Variants in ZNF100 observed in about 807,000 individuals in gnomAD.
ZNF100 encodes the protein zinc finger protein 100 (Y1).
Under a neutral mutation model 15.8 loss-of-function variants are expected in ZNF100, and 12 were observed. The ratio of observed to expected loss-of-function variants is 0.76; its 90% CI spans 0.49 to 1.23. The LOEUF is 1.23. ZNF100 is among the 50% of genes most tolerant of loss of function. The pLI, the probability that ZNF100 is intolerant of heterozygous loss-of-function variation, is 0.00. For missense variants in ZNF100, 670 were observed against 635.6 expected (o/e 1.05, Z -0.58); for synonymous variants, 226 against 214.8 (o/e 1.05, Z -0.45).
At chr19:21,747,066 G>A (rs1368162457) in intron 2 of ZNF100, among the ~76,000 whole-genome samples, 1 of 152,112 alleles carries the variant, frequency 6.6e-6, no homozygotes, top group Non-Finnish European at 1.5e-5. Context: ...ATGTAAAAAT[G>A]TAAGTTTCTC....
chr19:21,767,329 C>G, intron 1 of ZNF100, 98 bp downstream of exon 1: 1 of 1,596,832 alleles, frequency 6.3e-7, no homozygotes, highest in Non-Finnish European at 8.6e-7. Flanking sequence ...GATTGTGAAG[C>G]TGACTGCGGA....
At position 21,767,560 on chromosome 19, in the gene ZNF100, C is replaced by G; in HGVS notation, c.-131G>C. 2 of 1,403,328 alleles carry G rather than the reference C, an allele frequency of 1.4e-6. No homozygotes were observed. Among genetic ancestry groups the G allele is most frequent in the Non-Finnish European group, 1.9e-6 (2 of 1,028,056 alleles). The allele number at this position is 1,403,328 out of a possible 1,614,324, so 86.9% of individuals were successfully genotyped here. ...GTGAGAGCAAAACCTGGAGCTCCGG[C>G]TACAGCGAGAGACAAAGACCCCGCC... On this transcript the variant is annotated 5_prime_UTR_variant, in exon 1 of 5. Transcript: ENST00000358296.
intron 4 of ZNF100, among the ~76,000 whole-genome samples, chr19:21,740,108 T>G (rs1469763451): frequency 6.6e-6 from 1 of 151,800 alleles, no homozygotes. Context: ...AAAAACAGTA[T>G]GGTACTGATA....
chr19:21,742,253 C>T (rs1353835603), intron 4 of ZNF100, among the ~76,000 whole-genome samples: 1 of 148,506 alleles, frequency 6.7e-6, no homozygotes. Flanking sequence ...GCCGAGATTG[C>T]GCTATTGCAC....
chr19:21,729,133 C>A (rs4369797), intron 4 of ZNF100, among the ~76,000 whole-genome samples: 150,417 of 152,176 alleles, frequency 0.99, 74,364 homozygotes, highest in East Asian at 1. Context: ...CGTCATTTGC[C>A]AGCATAGTCT....
intron 1 of ZNF100, 132 bp from the exon 2 acceptor site, chr19:21,765,918 G>C: frequency 1.3e-6 from 1 of 795,388 alleles, no homozygotes; most frequent in Non-Finnish European, 2.0e-6. Context: ...GGTGGCTGAG[G>C]ACACATCACC....
At chr19:21,765,924 T>A in intron 1 of ZNF100, 138 bp from the exon 2 acceptor site, 1 of 742,234 alleles carries the variant, frequency 1.3e-6, no homozygotes, top group Non-Finnish European at 2.2e-6. Context: ...TGAGGACACA[T>A]CACCCCATAG....
intron 4 of ZNF100, among the ~76,000 whole-genome samples, chr19:21,737,973 G>A (rs541134525): frequency 1.6e-4 from 25 of 152,116 alleles, no homozygotes; most frequent in Admixed American, 7.2e-4. Context: ...GATGCAGGCC[G>A]GGCACAGTGG....
At chr19:21,755,581 G>C (rs1209000635) in intron 2 of ZNF100, among the ~76,000 whole-genome samples, 2 of 151,732 alleles carry the variant, frequency 1.3e-5, no homozygotes, top group Non-Finnish European at 2.9e-5. Flanking sequence ...CCCATTACTG[G>C]GTATATACCC....
At chr19:21,745,172 T>G in intron 2 of ZNF100, 105 bp from the exon 3 acceptor site, 9 of 1,475,198 alleles carry the variant, frequency 6.1e-6, no homozygotes, top group Non-Finnish European at 8.1e-6. Flanking sequence ...GAATTGGTTC[T>G]GATTAATAGA....
Position 21,730,673 on chromosome 19 carries a change from A to G in ZNF100, c.323-2684T>C, listed in dbSNP as rs529821250. Among the ~76,000 whole-genome samples, 45 of 151,346 alleles carry G rather than the reference A, an allele frequency of 3.0e-4. 1 individual carries two copies. Among genetic ancestry groups the G allele is most frequent in the African/African-American group, 1.0e-3 (42 of 41,268 alleles). ...ATTATTTCTAACAGAGGTATAGAGA[A>G]GATTCCTCAACAATATCGGGATACA... is the stretch of plus-strand genomic sequence containing the variant. On this transcript the variant is annotated intron_variant, in intron 4 of 4. Transcript: ENST00000358296.
rs748847616 is a variant in ZNF100, at chr19:21,744,055, C to T, written c.284G>A (p.Trp95Ter). ...TACCATCTCATGTCTCTTTATATTCCAGGGCTCTTTTCCTTGCTCCAGACA... is the reference window on the plus strand; with the variant it reads ...TACCATCTCATGTCTCTTTATATTCTAGGGCTCTTTTCCTTGCTCCAGACA... ...ITCLEQGKEP[W>*]NIKRHEMVAK... The change falls in exon 4 of 5, where the codon TGG becomes TAG. Residue 95 changes from tryptophan to a stop codon, truncating the protein, a stop_gained. Transcript: ENST00000358296. LOFTEE classifies it low-confidence loss of function (END_TRUNC). 2 of 1,612,738 alleles carry T rather than the reference C, an allele frequency of 1.2e-6. No individual in the cohort carries two copies. Among genetic ancestry groups the T allele is most frequent in the East Asian group, 2.2e-5 (1 of 44,822 alleles).
chr19:21,760,952 G>T (rs993965848), intron 2 of ZNF100, among the ~76,000 whole-genome samples: 3 of 151,744 alleles, frequency 2.0e-5, no homozygotes, highest in Non-Finnish European at 2.9e-5. Context: ...TACAGACAGG[G>T]TTTCACCATG....
At chr19:21,747,573 T>C (rs1568304232) in intron 2 of ZNF100, among the ~76,000 whole-genome samples, 1 of 152,204 alleles carries the variant, frequency 6.6e-6, no homozygotes, top group Non-Finnish European at 1.5e-5. Flanking sequence ...GGCTCATCAT[T>C]AGCATTAGTG....
chr19:21,727,868 G>T lies in ZNF100; in HGVS notation c.444C>A (p.Gly148=). The part of the protein sequence containing the change: ...YGHDNLQLQK[G]CKSVDECKVH... Reference sequence around the variant, plus strand: ...CTTTACACTCATCCACACTTTTACAGCCTTTTTGTAACTGTAAATTGTCAT... The same window carrying T: ...CTTTACACTCATCCACACTTTTACATCCTTTTTGTAACTGTAAATTGTCAT... Residue 148 remains glycine, a synonymous_variant, in exon 5 of 5, where the codon GGC becomes GGA. Coordinates refer to ENST00000358296, the MANE Select transcript of ZNF100 (RefSeq NM_173531.4). The T allele has an allele frequency of 6.2e-7, 1 of 1,609,050 alleles. No individual in the cohort carries two copies. The highest frequency in any genetic ancestry group is 1.7e-5 in the Admixed American group (1 of 58,998).
intron 2 of ZNF100, among the ~76,000 whole-genome samples, chr19:21,764,214 C>G (rs951095689): frequency 6.6e-6 from 1 of 152,124 alleles, no homozygotes; most frequent in South Asian, 2.1e-4. Flanking sequence ...GTCACTGGGA[C>G]CAAGCTCTAA....
At chr19:21,730,539 A>AG (rs2035898170) in intron 4 of ZNF100, among the ~76,000 whole-genome samples, 1 of 152,108 alleles carries the variant, frequency 6.6e-6, no homozygotes, top group African/African-American at 2.4e-5. Context: ...AGAAACATCT[A>AG]GACAGCAATA....
chr19:21,727,120 C>G lies in ZNF100; in HGVS notation c.1192G>C (p.Glu398Gln). 1 of 1,611,866 alleles carries G rather than the reference C, an allele frequency of 6.2e-7. No homozygotes were observed. The highest frequency in any genetic ancestry group is 8.5e-7 in the Non-Finnish European group (1 of 1,178,324). Residue 398 changes from glutamate (E) to glutamine (Q), a missense_variant, in exon 5 of 5, where the codon GAG becomes CAG. By Grantham distance (29) the Glu-to-Gln change is conservative. Coordinates refer to ENST00000358296, the MANE Select transcript of ZNF100 (RefSeq NM_173531.4). ...LTKHKTSHTG[E>Q]KFYKCEECGK... ...CATTCTTCACATTTGTAGAATTTCT[C>G]TCCAGTATGACTTGTCTTATGTTTA...
intron 4 of ZNF100, among the ~76,000 whole-genome samples, chr19:21,732,409 A>T (rs181121020): frequency 6.2e-4 from 95 of 152,246 alleles, no homozygotes; most frequent in African/African-American, 2.2e-3. Flanking sequence ...CAAGTCATAA[A>T]ATAAACAGAG....
Sources: allele counts gnomAD v4.1 joint callset (sites outside exome capture counted in the v4.1 genomes callset), GRCh38; gene constraint gnomAD v4.1.1; transcripts MANE v1.5; gene names NCBI Gene and HGNC (gene_info 2026-07-23, HGNC 2026-07-21).